MECOM: variants seen among roughly 807,000 people sequenced by gnomAD.
MECOM encodes histone-lysine N-methyltransferase MECOM.
MECOM carries 13 observed loss-of-function variants against 116.3 expected under a neutral mutation model. That is an observed-to-expected ratio of 0.11 (90% CI 0.07 to 0.18). MECOM has a LOEUF of 0.18. Ranked by LOEUF, MECOM falls within the 10% of genes least tolerant of loss-of-function variation. The probability of loss-of-function intolerance (pLI) is 1.00; values close to 1 mark genes in which losing one functional copy is unlikely to be tolerated. For synonymous variants in MECOM, 528 were observed against 535.2 expected, an observed-to-expected ratio of 0.99 and a Z score of 0.19; for missense variants, 1,299 against 1,509.0, an observed-to-expected ratio of 0.86 and a Z score of 2.31.
intron 1 of MECOM, among the ~76,000 whole-genome samples, chr3:169,518,258 CA>C (rs11333455): frequency 0.046 from 6,512 of 142,850 alleles, 472 homozygotes; most frequent in African/African-American, 0.16. Flanking sequence ...GACTCCATCT[CA>C]AAAAAAAAAA....
chr3:169,522,607 A>T (rs1167617818), intron 1 of MECOM, among the ~76,000 whole-genome samples: 1 of 152,248 alleles, frequency 6.6e-6, no homozygotes, highest in Non-Finnish European at 1.5e-5. Flanking sequence ...TCTCGGCATC[A>T]GCACTAATCC....
intron 1 of MECOM, among the ~76,000 whole-genome samples, chr3:169,455,796 A>G (rs955429848): frequency 2.0e-5 from 3 of 152,148 alleles, no homozygotes; most frequent in Non-Finnish European, 2.9e-5. Flanking sequence ...CAGAGCTCTG[A>G]GACACCAGCC....
intron 1 of MECOM, among the ~76,000 whole-genome samples, chr3:169,645,937 C>A (rs1003850245): frequency 6.6e-6 from 1 of 152,146 alleles, no homozygotes; most frequent in African/African-American, 2.4e-5. Flanking sequence ...TATTTTTAAG[C>A]ATTCCAAGTG....
chr3:169,531,981 G>A (rs6762319), intron 1 of MECOM, among the ~76,000 whole-genome samples: 3 of 152,146 alleles, frequency 2.0e-5, no homozygotes, highest in African/African-American at 7.2e-5. Context: ...TCTTGGGCAA[G>A]TTCCTAAAGT....
chr3:169,579,480 A>C (rs939970203), intron 1 of MECOM, among the ~76,000 whole-genome samples: 5 of 152,156 alleles, frequency 3.3e-5, no homozygotes, highest in Non-Finnish European at 5.9e-5. Context: ...CTTGAGCGCT[A>C]TCTCTCTAGC....
At chr3:169,143,981 T>G in intron 2 of MECOM, 149 bp from the exon 3 acceptor site, 1 of 854,490 alleles carries the variant, frequency 1.2e-6, no homozygotes, top group Non-Finnish European at 1.6e-6. Context: ...AGAGGGGAAA[T>G]GAGAAGTTAC....
intron 2 of MECOM, among the ~76,000 whole-genome samples, chr3:169,330,016 G>A (rs1722474386): frequency 6.6e-6 from 1 of 152,118 alleles, no homozygotes; most frequent in African/African-American, 2.4e-5. Flanking sequence ...TTAAAAAGGG[G>A]ATGGGTAGGT....
intron 9 of MECOM, 113 bp downstream of exon 9, chr3:169,112,674 C>T: frequency 3.5e-5 from 28 of 793,322 alleles, no homozygotes; most frequent in South Asian, 1.1e-4. Context: ...TCTTCCACAC[C>T]AGCGTCATAG....
intron 1 of MECOM, among the ~76,000 whole-genome samples, chr3:169,489,407 C>A (rs1752804955): frequency 6.6e-6 from 1 of 152,098 alleles, no homozygotes; most frequent in South Asian, 2.1e-4. Flanking sequence ...GACAAGCTGA[C>A]TGTAAATTTT....
chr3:169,232,108 C>T (rs1457097896), intron 2 of MECOM, among the ~76,000 whole-genome samples: 1 of 152,180 alleles, frequency 6.6e-6, no homozygotes, highest in African/African-American at 2.4e-5. Context: ...CTCTAAGGAA[C>T]TTCCAAAGCC....
At chr3:169,580,764 A>C (rs753697380) in intron 1 of MECOM, among the ~76,000 whole-genome samples, 3 of 152,236 alleles carry the variant, frequency 2.0e-5, no homozygotes, top group Admixed American at 6.5e-5. Flanking sequence ...ATTTAAGAGC[A>C]GATTGTGTGT....
intron 2 of MECOM, among the ~76,000 whole-genome samples, chr3:169,192,051 G>T (rs942529129): frequency 1.3e-5 from 2 of 151,974 alleles, no homozygotes; most frequent in African/African-American, 4.8e-5. Flanking sequence ...GAATGGAAAA[G>T]CTTGATTTAC....
intron 5 of MECOM, among the ~76,000 whole-genome samples, chr3:169,126,492 T>C (rs1388340182): frequency 6.6e-6 from 1 of 152,094 alleles, no homozygotes; most frequent in Non-Finnish European, 1.5e-5. Context: ...ATGCTGTGGC[T>C]TTTTTATTAC....
chr3:169,129,398 A>G (rs1353725447), intron 4 of MECOM, among the ~76,000 whole-genome samples: 2 of 63,154 alleles, frequency 3.2e-5, no homozygotes, highest in Admixed American at 4.2e-4. Flanking sequence ...ATATATTCAG[A>G]CTTGGTTTTT....
rs991593331 is a variant in MECOM at position 169,486,528 on chromosome 3, G to A, written c.38-105004C>T. The stretch of plus-strand genomic sequence containing the variant: ...CTTTGAGAAAGATAATTTTGGTATC[G>A]GTACTGAGGGAATGAAGAAGAAAAT... On this transcript the variant is annotated intron_variant, in intron 1 of 16. Transcript: ENST00000651503. 2.6e-5 allele frequency among the ~76,000 whole-genome samples: 4 copies of A among 151,956 alleles called. No homozygotes were observed. The South Asian group carries it at 8.3e-4, about 32-fold the overall frequency.
intron 2 of MECOM, among the ~76,000 whole-genome samples, chr3:169,335,321 TAATTTTG>T (rs1416311873): frequency 1.3e-5 from 2 of 152,156 alleles, no homozygotes; most frequent in African/African-American, 4.8e-5. Flanking sequence ...AAGACTGATT[TAATTTTG>T]AACTAGGAAA....
rs575566457 is a variant in MECOM, at chr3:169,583,767, A to ATT, written c.37+79567_37+79568dup. The stretch of plus-strand genomic sequence containing the variant: ...CCAAGCATGCCACCACGTCTGGCTA[A>ATT]TTTTTTTTTTTTTTTTTTTAAGAAA... On this transcript the variant is annotated intron_variant, in intron 1 of 16. Coordinates refer to ENST00000651503, the MANE Select transcript of MECOM (RefSeq NM_004991.4). Among the ~76,000 whole-genome samples, 118 of 137,354 alleles carry ATT rather than the reference A, an allele frequency of 8.6e-4. 2 individuals carry two copies. Among genetic ancestry groups the ATT allele is most frequent in the Middle Eastern group, 7.5e-3 (2 of 268 alleles). The allele number at this position is 137,354 out of a possible 152,430, so 90.1% of individuals were successfully genotyped here. A position where few individuals can be genotyped will look rare whatever the true frequency, so the allele number is the denominator to read the frequency against.
intron 1 of MECOM, among the ~76,000 whole-genome samples, chr3:169,397,232 G>T (rs1267556435): frequency 6.6e-6 from 1 of 152,116 alleles, no homozygotes; most frequent in Non-Finnish European, 1.5e-5. Context: ...CATAGTCATT[G>T]ACATGGTACA....
chr3:169,109,010 A>G (rs1358863121), intron 9 of MECOM, among the ~76,000 whole-genome samples: 1 of 152,228 alleles, frequency 6.6e-6, no homozygotes, highest in Non-Finnish European at 1.5e-5. Flanking sequence ...AATCAAACCA[A>G]GGAATAATAG....
Sources: gnomAD v4.1 joint callset for allele counts (sites outside exome capture counted in the v4.1 genomes callset) on GRCh38, gnomAD v4.1.1 for gene constraint, MANE v1.5 for transcripts, NCBI Gene and HGNC (gene_info 2026-07-23, HGNC 2026-07-21) for gene names.